NWD2: variants seen among roughly 807,000 people sequenced by gnomAD.
NWD2 encodes the protein NACHT and WD repeat domain-containing protein 2.
NWD2 carries 37 observed loss-of-function variants against 132.7 expected under a neutral mutation model. That is an observed-to-expected ratio of 0.28 (90% confidence interval 0.21 to 0.37). The LOEUF is 0.37. Among genes scored for constraint, NWD2 ranks in the 10% least tolerant of loss-of-function variants. The pLI is 1.00. For missense variants in NWD2, 1,592 were observed against 2,122.4 expected, an observed-to-expected ratio of 0.75 and a Z score of 4.91; for synonymous variants, 705 against 803.0, an observed-to-expected ratio of 0.88 and a Z score of 2.06.
rs1712068929 is a variant in NWD2, at chr4:37,428,556, G to T, written c.358-2016G>T. 2.6e-5 allele frequency among the ~76,000 whole-genome samples: 4 copies of T among 152,188 alleles called. No individual in the cohort carries two copies. In the South Asian group the frequency reaches 8.3e-4, roughly 32 times the overall value. On this transcript the variant is annotated intron_variant, in intron 3 of 6. Coordinates refer to ENST00000309447, the MANE Select transcript of NWD2 (RefSeq NM_001144990.2). ...TGGAGGACTTGCTAAAACATAAATTGCTCAGCTCTGTAACCAGAGTTTAGT... is the reference window on the plus strand; with the variant it reads ...TGGAGGACTTGCTAAAACATAAATTTCTCAGCTCTGTAACCAGAGTTTAGT...
At position 37,443,356 on chromosome 4, in the gene NWD2, G is replaced by A. The variant is rs765596515; in HGVS notation, c.1368G>A (p.Thr456=). 1.0e-5 allele frequency: 16 copies of A among 1,551,672 alleles called. No homozygotes were observed. The highest frequency in any genetic ancestry group is 5.5e-5 in the African/African-American group (4 of 73,044). The change falls in exon 7 of 7, where the codon ACG becomes ACA. Residue 456 remains threonine, a synonymous_variant. Transcript: ENST00000309447. The surrounding 1 kb of genome is among the most constrained non-coding windows in gnomAD (Gnocchi z 4.1). The part of the protein sequence containing the change: ...DPVVIVRFLG[T]TDMSSDLRTL... ...TAGTCATCGTGAGATTTCTAGGAAC[G>A]ACAGACATGAGCTCTGACCTTAGGA...
At position 37,446,827 on chromosome 4, in the gene NWD2, T is replaced by C. The variant is rs1274203548; in HGVS notation, c.4839T>C (p.Cys1613=). ...CAGATGGCAAAAATATCGGTGCTTG[T>C]TCCCTTTACAAAACACCAACTTTCC... ...RLADGKNIGA[C]SLYKTPTFLA... The change falls in exon 7 of 7, where the codon TGT becomes TGC. Residue 1613 remains cysteine, a synonymous_variant. Transcript: ENST00000309447. This position sits in a 1 kb window ranked among gnomAD's most constrained non-coding sequence, Gnocchi z 6.7. The C allele has an allele frequency of 6.4e-7, 1 of 1,551,872 alleles. No homozygotes were observed. Among genetic ancestry groups the C allele is most frequent in the South Asian group, 1.2e-5 (1 of 84,050 alleles).
intron 1 of NWD2, among the ~76,000 whole-genome samples, chr4:37,294,247 G>T (rs1023381349): frequency 6.6e-6 from 1 of 152,114 alleles, no homozygotes; most frequent in African/African-American, 2.4e-5. Flanking sequence ...TGAGAATTAG[G>T]GTTACTGTCT....
intron 3 of NWD2, among the ~76,000 whole-genome samples, chr4:37,402,654 G>A (rs1256312007): frequency 6.6e-6 from 1 of 152,190 alleles, no homozygotes; most frequent in Non-Finnish European, 1.5e-5. Context: ...GCATTTATGT[G>A]TGTAAAGTAG....
chr4:37,408,642 G>A (rs1721093349), intron 3 of NWD2, among the ~76,000 whole-genome samples: 1 of 152,204 alleles, frequency 6.6e-6, no homozygotes, highest in African/African-American at 2.4e-5. Flanking sequence ...GCTCTGAAGA[G>A]AGCAGCAGAC....
chr4:37,266,484 G>C (rs767335851), intron 1 of NWD2, among the ~76,000 whole-genome samples: 4 of 152,038 alleles, frequency 2.6e-5, no homozygotes, highest in African/African-American at 9.7e-5. Flanking sequence ...GAAAGAGACC[G>C]TCTCCTTCAG....
chr4:37,424,878 G>A (rs1476703171), intron 3 of NWD2, among the ~76,000 whole-genome samples: 1 of 152,150 alleles, frequency 6.6e-6, no homozygotes, highest in East Asian at 1.9e-4. Context: ...CAAACTGCAT[G>A]CCACAGACTC....
At chr4:37,315,420 C>T (rs2109283036) in intron 1 of NWD2, among the ~76,000 whole-genome samples, 1 of 152,196 alleles carries the variant, frequency 6.6e-6, no homozygotes, top group South Asian at 2.1e-4. Flanking sequence ...ATTTTGCCAG[C>T]TTCTCCGTTA....
At chr4:37,272,780 T>G (rs1717898954) in intron 1 of NWD2, among the ~76,000 whole-genome samples, 2 of 151,846 alleles carry the variant, frequency 1.3e-5, no homozygotes, top group African/African-American at 4.8e-5. Flanking sequence ...TCTTGTTTCC[T>G]GCATTCTACT....
In NWD2 at chr4:37,438,932, G is replaced by A; in HGVS notation, c.838G>A (p.Asp280Asn). 6.4e-7 allele frequency: 1 copy of A among 1,552,054 alleles called. No homozygotes were observed. The highest frequency in any genetic ancestry group is 8.7e-7 in the Non-Finnish European group (1 of 1,147,064). The change falls in exon 6 of 7, where the codon GAT becomes AAT. Residue 280 changes from aspartate to asparagine, a missense_variant. Asp to Asn is a conservative substitution (Grantham distance 23, BLOSUM62 1). Around this residue, in one of 7 missense-constraint regions of NWD2, gnomAD observed 1,071 missense variants for 1,398.0 expected, o/e 0.77. Transcript: ENST00000309447. ...VKIPEMGKYMDITGTEPRIIR... is the reference protein window; with the variant it reads ...VKIPEMGKYMNITGTEPRIIR... ...AATCCCAGAGATGGGAAAATACATG[G>A]ATATAACTGGAACAGAACCGAGGAT...
At chr4:37,249,727 A>G (rs986691888) in intron 1 of NWD2, among the ~76,000 whole-genome samples, 1 of 152,116 alleles carries the variant, frequency 6.6e-6, no homozygotes, top group East Asian at 1.9e-4. Flanking sequence ...TTTTCTGTCC[A>G]CTCAGATTTC....
At chr4:37,290,146 T>G (rs1254088835) in intron 1 of NWD2, among the ~76,000 whole-genome samples, 1 of 152,150 alleles carries the variant, frequency 6.6e-6, no homozygotes. Flanking sequence ...AAATTAGATG[T>G]GCACACCATT....
At chr4:37,295,801 G>A (rs1320600206) in intron 1 of NWD2, among the ~76,000 whole-genome samples, 1 of 152,134 alleles carries the variant, frequency 6.6e-6, no homozygotes, top group Non-Finnish European at 1.5e-5. Context: ...TCCAATGACT[G>A]TAATTCATTA....
At chr4:37,406,030 G>A (rs1394570910) in intron 3 of NWD2, among the ~76,000 whole-genome samples, 3 of 150,606 alleles carry the variant, frequency 2.0e-5, no homozygotes, top group African/African-American at 7.3e-5. Flanking sequence ...TATCATAAGG[G>A]TTATGAAAAA....
chr4:37,385,448 C>T (rs1476560018), intron 3 of NWD2, among the ~76,000 whole-genome samples: 5 of 152,164 alleles, frequency 3.3e-5, no homozygotes, highest in Admixed American at 2.0e-4. Flanking sequence ...GGGTCCTGAT[C>T]CTGTGAAACT....
chr4:37,444,873 C>A lies in NWD2; in HGVS notation c.2885C>A (p.Pro962His). 3 of 1,552,262 alleles carry A rather than the reference C, an allele frequency of 1.9e-6. No individual in the cohort carries two copies. The South Asian group carries it at 3.6e-5, about 18-fold the overall frequency. ...MDVTYSPERL[P>H]LSSSHLHVTE... is the part of the protein sequence containing the mutation. Reference sequence around the variant, plus strand: ...GTGACATACAGCCCAGAGCGTCTTCCCTTATCATCCAGTCACCTGCATGTC... The same window carrying A: ...GTGACATACAGCCCAGAGCGTCTTCACTTATCATCCAGTCACCTGCATGTC... The change falls in exon 7 of 7, where the codon CCC becomes CAC. Residue 962 changes from proline (P) to histidine (H), a missense_variant. Transcript: ENST00000309447. The surrounding 1 kb of genome is among the most constrained non-coding windows in gnomAD (Gnocchi z 4.8).
chr4:37,250,949 T>C (rs1422518976), intron 1 of NWD2, among the ~76,000 whole-genome samples: 1 of 152,238 alleles, frequency 6.6e-6, no homozygotes, highest in Non-Finnish European at 1.5e-5. Context: ...GAAGGGTAAG[T>C]ATTTGTGTAT....
intron 2 of NWD2, among the ~76,000 whole-genome samples, chr4:37,333,134 G>A (rs1032688218): frequency 2.4e-4 from 36 of 152,150 alleles, no homozygotes; most frequent in Admixed American, 2.0e-4. Context: ...CATGAAGGGC[G>A]TCTCTGAACC....
At chr4:37,360,507 A>G (rs1225675816) in intron 3 of NWD2, among the ~76,000 whole-genome samples, 1 of 152,182 alleles carries the variant, frequency 6.6e-6, no homozygotes, top group Non-Finnish European at 1.5e-5. Flanking sequence ...ATTTGCTGAC[A>G]TTTACTGACT....
Sources: allele counts gnomAD v4.1 joint callset (sites outside exome capture counted in the v4.1 genomes callset), GRCh38; gene constraint gnomAD v4.1.1; regional missense constraint gnomAD v4.1.1; non-coding constraint Gnocchi (gnomAD v3.1); transcripts MANE v1.5; gene names NCBI Gene and HGNC (gene_info 2026-07-23, HGNC 2026-07-21).